AFG2A: variants seen among roughly 807,000 people sequenced by gnomAD.
AFG2A encodes the protein AAA ATPase AFG2A.
the AFG2A span, among the ~76,000 whole-genome samples, chr4:123,004,018 G>A: frequency 0.76 from 115,076 of 152,088 alleles, 47,050 homozygotes; most frequent in East Asian, 0.96. Context: ...AATGGCAGGC[G>A]CCCCTTCCCC....
the AFG2A span, among the ~76,000 whole-genome samples, chr4:123,005,097 C>G: frequency 1.3e-5 from 2 of 152,082 alleles, no homozygotes; most frequent in African/African-American, 4.8e-5. Flanking sequence ...TTTACTTTCT[C>G]TTTTCCTTGG....
chr4:123,091,268 A>T, the AFG2A span, among the ~76,000 whole-genome samples: 2 of 152,218 alleles, frequency 1.3e-5, no homozygotes, highest in Non-Finnish European at 2.9e-5. Context: ...TCATTCCAAG[A>T]CCACCCAGAG....
the AFG2A span, among the ~76,000 whole-genome samples, chr4:123,171,839 T>C: frequency 6.6e-6 from 1 of 152,090 alleles, no homozygotes; most frequent in Admixed American, 6.5e-5. Context: ...TATATATATA[T>C]AGAATTCCTT....
chr4:123,020,283 A>G, the AFG2A span, among the ~76,000 whole-genome samples: 35 of 152,268 alleles, frequency 2.3e-4, no homozygotes, highest in South Asian at 6.2e-3. Context: ...CGTAATACCA[A>G]AAATTATTAT....
the AFG2A span, among the ~76,000 whole-genome samples, chr4:123,027,409 T>G: frequency 2.6e-5 from 4 of 152,202 alleles, no homozygotes; most frequent in African/African-American, 9.6e-5. Context: ...CCTAGCCATT[T>G]CCCTGTTCTT....
chr4:123,281,666 AAAAAC>A, the AFG2A span, among the ~76,000 whole-genome samples: 1 of 152,226 alleles, frequency 6.6e-6, no homozygotes, highest in Non-Finnish European at 1.5e-5. Flanking sequence ...GAATGACACT[AAAAAC>A]AGAACAGAAA....
the AFG2A span, among the ~76,000 whole-genome samples, chr4:122,939,816 G>T: frequency 6.6e-5 from 10 of 152,178 alleles, no homozygotes; most frequent in Non-Finnish European, 1.3e-4. Context: ...AGAGTGTGAT[G>T]GTCCCCTTCC....
chr4:122,987,583 A>G, the AFG2A span, among the ~76,000 whole-genome samples: 2 of 147,318 alleles, frequency 1.4e-5, no homozygotes, highest in Admixed American at 6.7e-5. Context: ...TTGTGTATCT[A>G]TTACATGATT....
At chr4:123,064,486 T>C in the AFG2A span, among the ~76,000 whole-genome samples, 3 of 152,246 alleles carry the variant, frequency 2.0e-5, no homozygotes, top group Admixed American at 6.5e-5. Context: ...TTGACTCTAG[T>C]ACTTTGTCTT....
chr4:123,179,390 G>A, the AFG2A span, among the ~76,000 whole-genome samples: 1 of 152,162 alleles, frequency 6.6e-6, no homozygotes, highest in South Asian at 2.1e-4. Context: ...ACCCAGGCTG[G>A]AGTGCAGTAT....
chr4:123,112,439 A>C, the AFG2A span, among the ~76,000 whole-genome samples: 4 of 152,226 alleles, frequency 2.6e-5, no homozygotes, highest in African/African-American at 9.6e-5. Context: ...AGCATTCTCT[A>C]TCTCAAGCAG....
At chr4:123,060,235 T>C in the AFG2A span, among the ~76,000 whole-genome samples, 2 of 152,326 alleles carry the variant, frequency 1.3e-5, no homozygotes, top group South Asian at 2.1e-4. Flanking sequence ...GTCAGTAACC[T>C]ACCATTCTAG....
chr4:123,118,316 A>ATATATATATATAAT, the AFG2A span, among the ~76,000 whole-genome samples: 2 of 129,336 alleles, frequency 1.5e-5, no homozygotes, highest in African/African-American at 3.2e-5. Context: ...TATATATAAT[A>ATATATATATATAAT]TATATTATAT....
At chr4:123,307,478 G>C in the AFG2A span, among the ~76,000 whole-genome samples, 2 of 152,090 alleles carry the variant, frequency 1.3e-5, no homozygotes, top group Non-Finnish European at 2.9e-5. Flanking sequence ...TTAAATTGAA[G>C]GGTTTTTTCC....
the AFG2A span, among the ~76,000 whole-genome samples, chr4:122,941,758 C>T: frequency 6.6e-6 from 1 of 151,648 alleles, no homozygotes; most frequent in South Asian, 2.1e-4. Flanking sequence ...CAGTATGATA[C>T]TGGCTGTGGG....
the AFG2A span, among the ~76,000 whole-genome samples, chr4:123,087,672 T>C: frequency 6.6e-6 from 1 of 152,152 alleles, no homozygotes; most frequent in Admixed American, 6.5e-5. Flanking sequence ...CCCAGCAGTT[T>C]GTTAATTGCA....
chr4:123,029,293 T>G, the AFG2A span, among the ~76,000 whole-genome samples: 4 of 152,164 alleles, frequency 2.6e-5, no homozygotes, highest in Admixed American at 2.6e-4. Flanking sequence ...ACTGTGGTCT[T>G]GATCTCCTGA....
chr4:122,939,181 G>A, the AFG2A span, among the ~76,000 whole-genome samples: 1 of 143,972 alleles, frequency 6.9e-6, no homozygotes, highest in East Asian at 2.1e-4. Flanking sequence ...TGCCTCCCAG[G>A]TTCAAGCAAT....
At chr4:123,003,147 C>A in the AFG2A span, among the ~76,000 whole-genome samples, 1 of 152,250 alleles carries the variant, frequency 6.6e-6, no homozygotes, top group Non-Finnish European at 1.5e-5. Context: ...CCTTGGCTTT[C>A]AGCTTCATCA....
Sources: allele counts gnomAD v4.1 joint callset (sites outside exome capture counted in the v4.1 genomes callset), GRCh38; gene constraint gnomAD v4.1.1; transcripts MANE v1.5; gene names NCBI Gene and HGNC (gene_info 2026-07-23, HGNC 2026-07-21).